Variants in PLCB1 observed in about 807,000 individuals in gnomAD.
The protein encoded by PLCB1 is phospholipase C beta 1, also known as 1-phosphatidylinositol 4,5-bisphosphate phosphodiesterase beta-1.
Under a neutral mutation model 161.8 loss-of-function variants are expected in PLCB1, and 46 were observed. That is an observed-to-expected ratio of 0.28 (90% CI 0.22 to 0.36). PLCB1 has a LOEUF of 0.36. PLCB1 is among the 10% of genes least tolerant of loss of function. PLCB1 has a pLI of 1.00. For synonymous variants in PLCB1, 517 were observed against 503.7 expected, an observed-to-expected ratio of 1.03 and a Z score of -0.35; for missense variants, 1,016 against 1,472.5, an observed-to-expected ratio of 0.69 and a Z score of 5.07.
chr20:8,847,896 C>T (rs541134261), intron 31 of PLCB1, among the ~76,000 whole-genome samples: 7 of 152,222 alleles, frequency 4.6e-5, no homozygotes, highest in South Asian at 2.1e-4. Flanking sequence ...GCAATTTATA[C>T]GAACAGAAAT....
At chr20:8,875,077 G>T (rs897176446) in intron 31 of PLCB1, among the ~76,000 whole-genome samples, 13 of 151,516 alleles carry the variant, frequency 8.6e-5, no homozygotes, top group Non-Finnish European at 1.9e-4. Context: ...TTGTTAATGA[G>T]CTGCTTTCAT....
intron 27 of PLCB1, 78 bp downstream of exon 27, chr20:8,774,797 A>T: frequency 8.1e-7 from 1 of 1,238,736 alleles, no homozygotes; most frequent in Non-Finnish European, 1.1e-6. Flanking sequence ...TTGGATAACT[A>T]AAAGGAGACA....
At chr20:8,688,691 C>A (rs1267774679) in intron 10 of PLCB1, among the ~76,000 whole-genome samples, 1 of 152,058 alleles carries the variant, frequency 6.6e-6, no homozygotes, top group Non-Finnish European at 1.5e-5. Flanking sequence ...TCTATTCTGT[C>A]CCATTGTTCT....
chr20:8,482,380 G>A (rs1213248177), intron 3 of PLCB1, among the ~76,000 whole-genome samples: 2 of 151,992 alleles, frequency 1.3e-5, no homozygotes, highest in South Asian at 2.1e-4. Flanking sequence ...GGGATTATAG[G>A]TGTGAGCCAC....
At chr20:8,861,168 A>G (rs1568628282) in intron 31 of PLCB1, among the ~76,000 whole-genome samples, 1 of 152,232 alleles carries the variant, frequency 6.6e-6, no homozygotes, top group Admixed American at 6.5e-5. Context: ...ATATGTCTTG[A>G]TAAGTGGCGT....
intron 2 of PLCB1, among the ~76,000 whole-genome samples, chr20:8,352,348 G>A (rs1986207099): frequency 6.6e-6 from 1 of 152,042 alleles, no homozygotes; most frequent in African/African-American, 2.4e-5. Context: ...AAAAGGTGAA[G>A]CACAGTGAAT....
At chr20:8,668,823 A>G (rs1989878164) in intron 9 of PLCB1, among the ~76,000 whole-genome samples, 1 of 152,206 alleles carries the variant, frequency 6.6e-6, no homozygotes, top group Admixed American at 6.5e-5. Context: ...TATTATTACC[A>G]GCAAAACACT....
At chr20:8,816,130 G>GA (rs1985076481) in intron 31 of PLCB1, among the ~76,000 whole-genome samples, 1 of 150,430 alleles carries the variant, frequency 6.6e-6, no homozygotes, top group Non-Finnish European at 1.5e-5. Context: ...TGATCTTTCA[G>GA]AAAAAACCAG....
chr20:8,500,895 G>A (rs978561321), intron 3 of PLCB1, among the ~76,000 whole-genome samples: 2 of 152,130 alleles, frequency 1.3e-5, no homozygotes, highest in African/African-American at 2.4e-5. Flanking sequence ...GGGTGGTCAG[G>A]AGGCTTAAGT....
At chr20:8,650,234 G>A (rs1465922907) in intron 7 of PLCB1, among the ~76,000 whole-genome samples, 2 of 151,958 alleles carry the variant, frequency 1.3e-5, no homozygotes, top group Non-Finnish European at 2.9e-5. Context: ...CTCTGGTGGT[G>A]GGGTATGAAC....
At chr20:8,700,705 C>G (rs56098862) in intron 11 of PLCB1, among the ~76,000 whole-genome samples, 1 of 152,300 alleles carries the variant, frequency 6.6e-6, no homozygotes, top group South Asian at 2.1e-4. Flanking sequence ...TCCAGCTATT[C>G]CTCCTGCTAA....
At chr20:8,600,919 T>TG (rs1987558250) in intron 3 of PLCB1, 1 of 152,820 alleles carries the variant, frequency 6.5e-6, no homozygotes, top group African/African-American at 2.4e-5. Flanking sequence ...CCTGACCCCT[T>TG]GCGCTTCCCA....
At chr20:8,511,140 C>G (rs1393214066) in intron 3 of PLCB1, among the ~76,000 whole-genome samples, 1 of 151,920 alleles carries the variant, frequency 6.6e-6, no homozygotes, top group African/African-American at 2.4e-5. Context: ...TCTGTCTCAG[C>G]CTCTGGTAAC....
At chr20:8,576,168 G>C (rs1325979615) in intron 3 of PLCB1, among the ~76,000 whole-genome samples, 1 of 152,146 alleles carries the variant, frequency 6.6e-6, no homozygotes, top group East Asian at 1.9e-4. Flanking sequence ...CTAATAATTG[G>C]TGGGTATTTC....
chr20:8,739,079 A>C (rs1980732678), intron 20 of PLCB1, among the ~76,000 whole-genome samples, 182 bp from the exon 21 acceptor site: 1 of 152,242 alleles, frequency 6.6e-6, no homozygotes, highest in South Asian at 2.1e-4. Flanking sequence ...TTGAACCCAG[A>C]GGCGGAGGTT....
chr20:8,174,195 A>T (rs1568578325), intron 2 of PLCB1, among the ~76,000 whole-genome samples: 1 of 152,224 alleles, frequency 6.6e-6, no homozygotes, highest in Non-Finnish European at 1.5e-5. Flanking sequence ...CATCATGTGT[A>T]AACTTCTGAA....
At chr20:8,532,500 G>A (rs78122508) in intron 3 of PLCB1, among the ~76,000 whole-genome samples, 1,606 of 152,226 alleles carry the variant, frequency 0.011, 14 homozygotes, top group Middle Eastern at 0.024. Flanking sequence ...CCTGTCATAA[G>A]CACTCCATTT....
In PLCB1 at chr20:8,546,606, A is replaced by G. The variant is rs111485117; in HGVS notation, c.247-81688A>G. ...ATGCAACCTGTGTTTCTAAAGCACA[A>G]TCACACTATAAACAGACCTTGCTGC... On this transcript the variant is annotated intron_variant, in intron 3 of 31. Coordinates refer to ENST00000338037, the MANE Select transcript of PLCB1 (RefSeq NM_015192.4). Among the ~76,000 whole-genome samples the G allele has an allele frequency of 1.4e-3, 210 of 152,280 alleles. 2 individuals carry two copies. The highest frequency in any genetic ancestry group is 4.6e-3 in the African/African-American group (191 of 41,574).
chr20:8,371,200 T>C lies in PLCB1; in HGVS notation c.178-182T>C, dbSNP rs146766519. On this transcript the variant is annotated intron_variant, in intron 2 of 31. Coordinates refer to ENST00000338037, the MANE Select transcript of PLCB1 (RefSeq NM_015192.4). Reference sequence around the variant, plus strand: ...AATGTATAACTGAGCAGTTAGCAGTTAGCTGTCTTTTGTTTCCAACCTAAT... The same window carrying C: ...AATGTATAACTGAGCAGTTAGCAGTCAGCTGTCTTTTGTTTCCAACCTAAT... 2.9e-4 allele frequency: 156 copies of C among 541,556 alleles called. 1 individual carries two copies. In the East Asian group the frequency reaches 4.5e-3, roughly 16 times the overall value. The allele number at this position is 541,556 out of a possible 1,614,324, so 33.5% of individuals were successfully genotyped here.
Sources: gnomAD v4.1 joint callset for allele counts (sites outside exome capture counted in the v4.1 genomes callset) on GRCh38, gnomAD v4.1.1 for gene constraint, MANE v1.5 for transcripts, NCBI Gene and HGNC (gene_info 2026-07-23, HGNC 2026-07-21) for gene names.